RAC2: variants seen among roughly 807,000 people sequenced by gnomAD.
RAC2 encodes the protein Rac family small GTPase 2, also known as ras-related C3 botulinum toxin substrate 2.
A neutral mutation model predicts 24.0 loss-of-function variants in RAC2; 1 was observed. The ratio of observed to expected loss-of-function variants is 0.04; its 90% CI spans 0.01 to 0.20. RAC2 has a LOEUF of 0.20. RAC2 is among the 10% of genes least tolerant of loss of function. The probability of loss-of-function intolerance (pLI) is 1.00; values close to 1 mark genes in which losing one functional copy is unlikely to be tolerated. For missense variants in RAC2, 130 were observed against 259.1 expected (o/e 0.50, Z 3.42); for synonymous variants, 114 against 106.8 (o/e 1.07, Z -0.41).
intron 6 of RAC2, among the ~76,000 whole-genome samples, chr22:37,226,393 G>T (rs1008872379): frequency 2.1e-4 from 32 of 152,152 alleles, no homozygotes; most frequent in African/African-American, 7.2e-4. Flanking sequence ...CCTCCTGCAG[G>T]AATGGGCAGA....
chr22:37,228,969 G>A (rs939818147), intron 5 of RAC2, among the ~76,000 whole-genome samples: 17 of 152,160 alleles, frequency 1.1e-4, no homozygotes, highest in African/African-American at 3.1e-4. Flanking sequence ...AGCTCAGCCC[G>A]GAGTCTGGTC....
intron 2 of RAC2, chr22:37,241,103 T>G: frequency 1.3e-6 from 1 of 774,928 alleles, no homozygotes; most frequent in Admixed American, 1.7e-5. Flanking sequence ...ACCAACACGC[T>G]CCCTCCACGT....
intron 3 of RAC2, 108 bp downstream of exon 3, chr22:37,232,693 A>T: frequency 1.1e-6 from 1 of 900,844 alleles, no homozygotes; most frequent in Non-Finnish European, 1.8e-6. Context: ...GCTGGGCCTT[A>T]AGGGGAGAGG....
intron 6 of RAC2, 33 bp downstream of exon 6, chr22:37,226,638 T>C (rs534929853): frequency 6.2e-7 from 1 of 1,610,546 alleles, no homozygotes; most frequent in African/African-American, 1.3e-5. Flanking sequence ...CTGCTGTGTA[T>C]GGGAGTTGGG....
intron 2 of RAC2, among the ~76,000 whole-genome samples, chr22:37,233,141 T>G (rs1308040905): frequency 6.6e-6 from 1 of 152,254 alleles, no homozygotes; most frequent in African/African-American, 2.4e-5. Flanking sequence ...AAAAAAAGAT[T>G]GTCTCTTAAT....
At position 37,241,287 on chromosome 22, in the gene RAC2, G is replaced by T. The variant is rs898326383; in HGVS notation, c.107+300C>A. 14 of 677,830 alleles carry T rather than the reference G, an allele frequency of 2.1e-5. No individual in the cohort carries two copies. The African/African-American group carries it at 2.1e-4, about 10-fold the overall frequency. 42.0% of individuals were successfully genotyped at this position (677,830 alleles called of 1,614,324 possible). On this transcript the variant is annotated intron_variant, in intron 2 of 6. Coordinates refer to ENST00000249071, the MANE Select transcript of RAC2 (RefSeq NM_002872.5). ...TGCTTCCGCAGAAGCTCCTCTCCCA[G>T]CTCCTGCTCTTGCCTGAGCCAGCCT...
At chr22:37,233,016 T>C (rs1927118038) in intron 2 of RAC2, 98 bp from the exon 3 acceptor site, 5 of 921,320 alleles carry the variant, frequency 5.4e-6, no homozygotes, top group South Asian at 5.4e-5. Context: ...GGCTGAGACC[T>C]AGAGACAGTC....
chr22:37,229,193 C>T, intron 5 of RAC2, among the ~76,000 whole-genome samples: 1 of 152,344 alleles, frequency 6.6e-6, no homozygotes, highest in East Asian at 1.9e-4. Flanking sequence ...TCAGTTCCCC[C>T]TCTCCGGGCC....
At chr22:37,243,812 C>T (rs1315016249) in intron 1 of RAC2, among the ~76,000 whole-genome samples, 2 of 152,186 alleles carry the variant, frequency 1.3e-5, no homozygotes, top group Non-Finnish European at 2.9e-5. Flanking sequence ...GGCTTGCCTC[C>T]GTGGGAGACC....
intron 5 of RAC2, among the ~76,000 whole-genome samples, chr22:37,227,559 TTCCCATGCCTCCCACGCCATATAC>T (rs1177794796): frequency 3.1e-3 from 10 of 3,204 alleles, no homozygotes; most frequent in Admixed American, 0.014. Flanking sequence ...CATACACCCC[TTCCCATGCCTCCCACGCCATATAC>T]CCCTCCCACG....
At position 37,240,405 on chromosome 22, in the gene RAC2, C is replaced by T. The variant is rs575983218; in HGVS notation, c.107+1182G>A. 4.6e-5 allele frequency among the ~76,000 whole-genome samples: 7 copies of T among 152,348 alleles called. No homozygotes were observed. In the South Asian group the frequency reaches 1.4e-3, roughly 32 times the overall value. ...TAGTGGCTGTGAGGCTCAGCTTCCC[C>T]ATGGGTGTCCTGTGCATGCTAATAG... On this transcript the variant is annotated intron_variant, in intron 2 of 6. Coordinates refer to ENST00000249071, the MANE Select transcript of RAC2 (RefSeq NM_002872.5).
In RAC2 at chr22:37,241,674, T is replaced by C. The variant is rs1927397232; in HGVS notation, c.36-16A>G. 5 of 1,611,700 alleles carry C rather than the reference T, an allele frequency of 3.1e-6. No homozygotes were observed. The East Asian group carries it at 6.7e-5, about 22-fold the overall frequency. On this transcript the variant is annotated splice_polypyrimidine_tract_variant and intron_variant, in intron 1 of 6. Coordinates refer to ENST00000249071, the MANE Select transcript of RAC2 (RefSeq NM_002872.5). ...GCCCACGGCCCTGAAAGACAGGAAG[T>C]GCAAGAGGGCGGCGGTCATGGGCTC... is the stretch of plus-strand genomic sequence containing the variant.
chr22:37,233,535 G>A (rs1357550089), intron 2 of RAC2, among the ~76,000 whole-genome samples: 2 of 152,154 alleles, frequency 1.3e-5, no homozygotes, highest in Non-Finnish European at 2.9e-5. Context: ...CGCCCGCCTC[G>A]GCCTCTCAAA....
At chr22:37,232,582 G>A (rs935957136) in intron 3 of RAC2, 12 of 587,852 alleles carry the variant, frequency 2.0e-5, no homozygotes, top group African/African-American at 3.7e-5. Flanking sequence ...AATGGGGTGG[G>A]AAGATGGGCA....
chr22:37,243,796 G>A (rs1927478131), intron 1 of RAC2, among the ~76,000 whole-genome samples: 1 of 152,236 alleles, frequency 6.6e-6, no homozygotes, highest in Non-Finnish European at 1.5e-5. Context: ...ACAGAGTAAA[G>A]ACTGAGGCTT....
At chr22:37,229,397 C>T (rs1184307021) in intron 5 of RAC2, among the ~76,000 whole-genome samples, 1 of 152,174 alleles carries the variant, frequency 6.6e-6, no homozygotes, top group Admixed American at 6.5e-5. Flanking sequence ...GGCTGGGTGG[C>T]CTTAAGCCAG....
intron 2 of RAC2, among the ~76,000 whole-genome samples, chr22:37,239,025 C>T (rs2145829527): frequency 6.6e-6 from 1 of 152,316 alleles, no homozygotes; most frequent in South Asian, 2.1e-4. Flanking sequence ...ACCTTAATCT[C>T]AGGTGCCAGA....
At chr22:37,240,475 T>C (rs1195710592) in intron 2 of RAC2, among the ~76,000 whole-genome samples, 1 of 152,218 alleles carries the variant, frequency 6.6e-6, no homozygotes, top group Non-Finnish European at 1.5e-5. Flanking sequence ...GTGTGACATC[T>C]TGCGCAGGGG....
chr22:37,229,636 G>C (rs1439336405), intron 5 of RAC2, among the ~76,000 whole-genome samples: 1 of 152,166 alleles, frequency 6.6e-6, no homozygotes, highest in African/African-American at 2.4e-5. Context: ...AGTCCCCCCA[G>C]GACTCCCCCT....
Sources: gnomAD v4.1 joint callset for allele counts (sites outside exome capture counted in the v4.1 genomes callset) on GRCh38, gnomAD v4.1.1 for gene constraint, MANE v1.5 for transcripts, NCBI Gene and HGNC (gene_info 2026-07-23, HGNC 2026-07-21) for gene names.